Variants in EXT2 observed in about 807,000 individuals in gnomAD.
EXT2 encodes the protein exostosin glycosyltransferase 2.
Under a neutral mutation model 81.6 loss-of-function variants are expected in EXT2, and 53 were observed. The observed-to-expected ratio is 0.65, with a 90% CI of 0.52 to 0.82. The LOEUF (loss-of-function observed/expected upper bound fraction) is 0.82, where lower values mean the gene tolerates loss of function less well. Ranked by LOEUF, EXT2 falls within the 40% of genes least tolerant of loss-of-function variation. The pLI is 0.00. For synonymous variants in EXT2, 320 were observed against 340.0 expected, an observed-to-expected ratio of 0.94 and a Z score of 0.65; for missense variants, 774 against 910.2, an observed-to-expected ratio of 0.85 and a Z score of 1.93.
At chr11:44,214,017 A>G (rs1299455522) in intron 10 of EXT2, among the ~76,000 whole-genome samples, 1 of 152,204 alleles carries the variant, frequency 6.6e-6, no homozygotes, top group East Asian at 1.9e-4. Flanking sequence ...ATCCAAATAT[A>G]TATACATAAG....
At chr11:44,243,322 CT>C (rs1339013986) in intron 13 of EXT2, among the ~76,000 whole-genome samples, 1 of 152,182 alleles carries the variant, frequency 6.6e-6, no homozygotes, top group Non-Finnish European at 1.5e-5. Flanking sequence ...GAACACATGC[CT>C]GACCTGCTCA....
chr11:44,237,919 A>AAAAAAC (rs1564989010), intron 13 of EXT2, among the ~76,000 whole-genome samples: 2 of 141,850 alleles, frequency 1.4e-5, no homozygotes, highest in African/African-American at 5.0e-5. Context: ...AAAAAAAAAA[A>AAAAAAC]AAAAAAAAAA....
intron 7 of EXT2, among the ~76,000 whole-genome samples, chr11:44,142,462 G>T (rs1286393805): frequency 6.6e-6 from 1 of 152,178 alleles, no homozygotes; most frequent in African/African-American, 2.4e-5. Flanking sequence ...GGTAGTTACT[G>T]CCCATTTTGA....
chr11:44,100,548 G>A (rs1953967019), intron 1 of EXT2, among the ~76,000 whole-genome samples: 1 of 152,130 alleles, frequency 6.6e-6, no homozygotes, highest in Non-Finnish European at 1.5e-5. Context: ...GAGTTGACTG[G>A]CTCTTGTTAT....
At chr11:44,134,920 C>T (rs1045417920) in intron 7 of EXT2, among the ~76,000 whole-genome samples, 4 of 152,164 alleles carry the variant, frequency 2.6e-5, no homozygotes, top group Admixed American at 1.3e-4. Flanking sequence ...TTCTCTCTAG[C>T]CTTTAACACT....
intron 3 of EXT2, 142 bp from the exon 4 acceptor site, chr11:44,114,043 G>T (rs1954184200): frequency 6.4e-6 from 5 of 777,266 alleles, no homozygotes; most frequent in East Asian, 2.5e-5. Flanking sequence ...CGTGTATAAG[G>T]CATTGTCTTT....
At chr11:44,242,207 A>G (rs551439129) in intron 13 of EXT2, among the ~76,000 whole-genome samples, 6 of 152,354 alleles carry the variant, frequency 3.9e-5, no homozygotes, top group African/African-American at 1.4e-4. Context: ...GTCTGTATGC[A>G]TAACTAGAAA....
Position 44,250,654 on chromosome 11 carries a change from T to C in EXT2, c.*6367T>C, listed in dbSNP as rs749985799. Reference sequence around the variant, plus strand: ...GCCCCATGTTTATTTTCTTATGTTATTGAAATGAGCACTTGTGATTTGGGC... The same window carrying C: ...GCCCCATGTTTATTTTCTTATGTTACTGAAATGAGCACTTGTGATTTGGGC... On this transcript the variant is annotated 3_prime_UTR_variant, in exon 14 of 14. Transcript: ENST00000533608. 1.3e-5 allele frequency among the ~76,000 whole-genome samples: 2 copies of C among 152,202 alleles called. No homozygotes were observed. Among genetic ancestry groups the C allele is most frequent in the Non-Finnish European group, 2.9e-5 (2 of 68,032 alleles).
At chr11:44,183,999 TCTCACATG>T (rs1290398169) in intron 8 of EXT2, among the ~76,000 whole-genome samples, 1 of 152,264 alleles carries the variant, frequency 6.6e-6, no homozygotes, top group African/African-American at 2.4e-5. Flanking sequence ...TGTGAGTTCA[TCTCACATG>T]TGAGGTTTTC....
chr11:44,163,252 A>G (rs1254287418), intron 7 of EXT2, among the ~76,000 whole-genome samples: 3 of 152,246 alleles, frequency 2.0e-5, no homozygotes, highest in Non-Finnish European at 4.4e-5. Context: ...TGGAGTATGT[A>G]AAAGAATAAA....
At chr11:44,195,460 C>A (rs142116364) in intron 8 of EXT2, among the ~76,000 whole-genome samples, 1 of 151,910 alleles carries the variant, frequency 6.6e-6, no homozygotes, top group Non-Finnish European at 1.5e-5. Flanking sequence ...GAAAAGATGG[C>A]GTTTCCTATT....
chr11:44,150,935 T>G (rs1457221453), intron 7 of EXT2, among the ~76,000 whole-genome samples: 1 of 152,190 alleles, frequency 6.6e-6, no homozygotes, highest in Non-Finnish European at 1.5e-5. Flanking sequence ...AAGATAAGCT[T>G]TTCCCCCGTA....
At position 44,232,406 on chromosome 11, in the gene EXT2, C is replaced by T. The variant is rs1434781582; in HGVS notation, c.1716C>T (p.Leu572=). 2 of 1,614,060 alleles carry T rather than the reference C, an allele frequency of 1.2e-6. No homozygotes were observed. Among genetic ancestry groups the T allele is most frequent in the Non-Finnish European group, 1.7e-6 (2 of 1,179,996 alleles). The change falls in exon 11 of 14, where the codon CTC becomes CTT. Residue 572 remains leucine (L), a synonymous_variant. Coordinates refer to ENST00000533608, the MANE Select transcript of EXT2 (RefSeq NM_207122.2). ...TGGGTTACCCGGGTCGTCTGCATCT[C>T]TGGGACCATGAGATGAATAAGTGGA... ...RLVGYPGRLH[L]WDHEMNKWKY... is the part of the protein sequence containing the mutation.
intron 13 of EXT2, among the ~76,000 whole-genome samples, chr11:44,242,026 C>T (rs1353233849): frequency 6.6e-6 from 1 of 152,220 alleles, no homozygotes; most frequent in African/African-American, 2.4e-5. Context: ...GCCCCAGTGG[C>T]TTCTTGCCTA....
chr11:44,232,041 AC>A (rs1331944996), intron 10 of EXT2, among the ~76,000 whole-genome samples: 1 of 152,088 alleles, frequency 6.6e-6, no homozygotes, highest in Non-Finnish European at 1.5e-5. Context: ...TAAGAATGGA[AC>A]CTATTTCATT....
chr11:44,140,167 G>A (rs1954626652), intron 7 of EXT2, among the ~76,000 whole-genome samples: 1 of 152,246 alleles, frequency 6.6e-6, no homozygotes, highest in Admixed American at 6.5e-5. Flanking sequence ...GCAACTTGAA[G>A]GGTTAGGGTG....
chr11:44,171,775 A>G (rs1201418085), intron 8 of EXT2, 33 bp downstream of exon 8: 1 of 1,613,380 alleles, frequency 6.2e-7, no homozygotes, highest in Non-Finnish European at 8.5e-7. Flanking sequence ...CACATGAGGC[A>G]TGGTCCAGCT....
chr11:44,244,602 G>A lies in EXT2; in HGVS notation c.*315G>A. ...AGGCTCCCTTTGTTTTCAGTTCCATGTAACAATCTGGAAGGAAACTTCACG... is the reference window on the plus strand; with the variant it reads ...AGGCTCCCTTTGTTTTCAGTTCCATATAACAATCTGGAAGGAAACTTCACG... On this transcript the variant is annotated 3_prime_UTR_variant, in exon 14 of 14. Coordinates refer to ENST00000533608, the MANE Select transcript of EXT2 (RefSeq NM_207122.2). The A allele has an allele frequency of 9.3e-6, 4 of 431,474 alleles. No homozygotes were observed. The highest frequency in any genetic ancestry group is 7.6e-5 in the South Asian group (3 of 39,638). 26.7% of individuals were successfully genotyped at this position (431,474 alleles called of 1,614,324 possible).
intron 4 of EXT2, among the ~76,000 whole-genome samples, chr11:44,123,111 G>A (rs1288861864): frequency 2.6e-5 from 4 of 152,166 alleles, no homozygotes; most frequent in African/African-American, 9.7e-5. Flanking sequence ...AGTCTAGCTG[G>A]CTAGGCAGGT....
Sources: gnomAD v4.1 joint callset for allele counts (sites outside exome capture counted in the v4.1 genomes callset) on GRCh38, gnomAD v4.1.1 for gene constraint, MANE v1.5 for transcripts, NCBI Gene and HGNC (gene_info 2026-07-23, HGNC 2026-07-21) for gene names.